The following ENTREP2 variants were observed in gnomAD, a reference collection of about 807,000 sequenced individuals.
ENTREP2 encodes the protein protein ENTREP2.
chr15:29,633,891 G>A, the ENTREP2 span, among the ~76,000 whole-genome samples: 14 of 152,058 alleles, frequency 9.2e-5, no homozygotes, highest in Admixed American at 2.6e-4. Flanking sequence ...CCCGGGAGGC[G>A]AAGGTTGCAG....
At chr15:29,410,163 C>T in the ENTREP2 span, among the ~76,000 whole-genome samples, 3 of 152,188 alleles carry the variant, frequency 2.0e-5, no homozygotes, top group Non-Finnish European at 4.4e-5. Flanking sequence ...GGTCCCCTAC[C>T]TAGATGCTTG....
the ENTREP2 span, among the ~76,000 whole-genome samples, chr15:29,657,286 T>C: frequency 6.6e-6 from 1 of 151,624 alleles, no homozygotes; most frequent in Non-Finnish European, 1.5e-5. Flanking sequence ...GTCGCAAATC[T>C]CTCGACCTCC....
At chr15:29,318,992 A>T in the ENTREP2 span, among the ~76,000 whole-genome samples, 1 of 152,228 alleles carries the variant, frequency 6.6e-6, no homozygotes, top group East Asian at 1.9e-4. Context: ...TAAAATTAAA[A>T]GCAACGATTA....
chr15:29,588,991 GA>G, the ENTREP2 span, among the ~76,000 whole-genome samples: 237 of 107,536 alleles, frequency 2.2e-3, 1 homozygote, highest in Middle Eastern at 4.9e-3. Flanking sequence ...CCTTGTCTCA[GA>G]AAAAAAAAAA....
chr15:29,231,885 C>CTTTTTTTTTTTTTT, the ENTREP2 span, among the ~76,000 whole-genome samples: 153 of 129,934 alleles, frequency 1.2e-3, 14 homozygotes, highest in East Asian at 3.7e-3. Flanking sequence ...GTTTTCTTTT[C>CTTTTTTTTTTTTTT]TTTTCTTTCT....
At chr15:29,515,250 C>T in the ENTREP2 span, among the ~76,000 whole-genome samples, 1 of 152,156 alleles carries the variant, frequency 6.6e-6, no homozygotes, top group Non-Finnish European at 1.5e-5. Context: ...CCGAGGACTG[C>T]TTTCTGGAGG....
the ENTREP2 span, among the ~76,000 whole-genome samples, chr15:29,481,001 T>C: frequency 2.6e-5 from 4 of 152,086 alleles, no homozygotes; most frequent in African/African-American, 9.7e-5. Flanking sequence ...CCCTAGACCA[T>C]ACCCCAGCAT....
At chr15:29,248,903 G>C in the ENTREP2 span, among the ~76,000 whole-genome samples, 3 of 152,178 alleles carry the variant, frequency 2.0e-5, no homozygotes, top group Non-Finnish European at 4.4e-5. Context: ...CTGTAAAAAG[G>C]ATTCAATTTG....
chr15:29,533,824 G>A, the ENTREP2 span, among the ~76,000 whole-genome samples: 2 of 152,038 alleles, frequency 1.3e-5, no homozygotes, highest in Admixed American at 1.3e-4. Context: ...CACTCTCTTG[G>A]AAAGGAAGAA....
At chr15:29,430,833 G>T in the ENTREP2 span, among the ~76,000 whole-genome samples, 5 of 152,112 alleles carry the variant, frequency 3.3e-5, no homozygotes, top group African/African-American at 1.2e-4. Flanking sequence ...ACTCTGAGTC[G>T]GATGGATTGA....
At chr15:29,375,615 G>A in the ENTREP2 span, 1 of 152,184 alleles carries the variant, frequency 6.6e-6, no homozygotes, top group African/African-American at 2.4e-5. Flanking sequence ...CTACAGTTAT[G>A]AGAAATAAAT....
the ENTREP2 span, among the ~76,000 whole-genome samples, chr15:29,222,294 C>T: frequency 6.6e-6 from 1 of 152,158 alleles, no homozygotes; most frequent in African/African-American, 2.4e-5. Flanking sequence ...GGAAGTTACC[C>T]TATATGGTCA....
chr15:29,624,326 C>A, the ENTREP2 span, among the ~76,000 whole-genome samples: 1 of 150,758 alleles, frequency 6.6e-6, no homozygotes, highest in Non-Finnish European at 1.5e-5. Context: ...CGCACACATG[C>A]ACGTGCGCAC....
At chr15:29,196,285 G>A in the ENTREP2 span, 1 of 853,544 alleles carries the variant, frequency 1.2e-6, no homozygotes, top group Non-Finnish European at 1.7e-6. Context: ...CCTTTCAAAT[G>A]TTCTCTGGAA....
the ENTREP2 span, among the ~76,000 whole-genome samples, chr15:29,301,643 G>A: frequency 6.6e-6 from 1 of 152,220 alleles, no homozygotes; most frequent in African/African-American, 2.4e-5. Context: ...CCCAATGGAA[G>A]TAGCATTTTG....
At chr15:29,523,324 A>G in the ENTREP2 span, among the ~76,000 whole-genome samples, 1 of 152,354 alleles carries the variant, frequency 6.6e-6, no homozygotes, top group Non-Finnish European at 1.5e-5. Context: ...CAAAAACTAA[A>G]GTGAAGAAAA....
the ENTREP2 span, among the ~76,000 whole-genome samples, chr15:29,132,726 C>T: frequency 1.3e-5 from 2 of 152,202 alleles, no homozygotes; most frequent in Non-Finnish European, 2.9e-5. Context: ...CCATTCCTTC[C>T]GGGGGCCGCT....
chr15:29,627,227 A>G, the ENTREP2 span, among the ~76,000 whole-genome samples: 1 of 152,076 alleles, frequency 6.6e-6, no homozygotes, highest in Non-Finnish European at 1.5e-5. Context: ...AAAGTATACA[A>G]TTCAGTGGTA....
the ENTREP2 span, among the ~76,000 whole-genome samples, chr15:29,137,802 C>T: frequency 2.6e-5 from 4 of 152,174 alleles, no homozygotes; most frequent in Non-Finnish European, 2.9e-5. Context: ...TGCCATTGCA[C>T]TCCAGCCTAG....
Sources: allele counts gnomAD v4.1 joint callset (sites outside exome capture counted in the v4.1 genomes callset), GRCh38; gene constraint gnomAD v4.1.1; transcripts MANE v1.5; gene names NCBI Gene and HGNC (gene_info 2026-07-23, HGNC 2026-07-21).